AFAP1L2: variants seen among roughly 807,000 people sequenced by gnomAD.
AFAP1L2 encodes the protein actin filament-associated protein 1-like 2.
A neutral mutation model predicts 99.3 loss-of-function variants in AFAP1L2; 46 were observed. That is an observed-to-expected ratio of 0.46 (90% CI 0.37 to 0.59). AFAP1L2 has a LOEUF of 0.59. Ranked by LOEUF, AFAP1L2 falls within the 20% of genes least tolerant of loss-of-function variation. The pLI is 0.00. For missense variants in AFAP1L2, 959 were observed against 1,034.9 expected, an observed-to-expected ratio of 0.93 and a Z score of 1.01; for synonymous variants, 397 against 419.1, an observed-to-expected ratio of 0.95 and a Z score of 0.64.
At chr10:114,294,379 G>C (rs2039876867), downstream of AFAP1L2, among the ~76,000 whole-genome samples, 1 of 151,942 alleles carries the variant, frequency 6.6e-6, no homozygotes, top group East Asian at 1.9e-4. Flanking sequence ...CTGTATTAAG[G>C]CCTCCATTTC....
At chr10:114,369,594 CAAA>C (rs34904418) in intron 1 of AFAP1L2, among the ~76,000 whole-genome samples, 7 of 74,632 alleles carry the variant, frequency 9.4e-5, no homozygotes, top group South Asian at 9.1e-4. Context: ...GACTCCGACT[CAAA>C]AAAAAAAAAA....
At chr10:114,355,817 CA>C (rs1407390120) in intron 1 of AFAP1L2, among the ~76,000 whole-genome samples, 1 of 151,964 alleles carries the variant, frequency 6.6e-6, no homozygotes, top group Non-Finnish European at 1.5e-5. Context: ...ACAAAAAATA[CA>C]AAAAACTAGC....
chr10:114,333,674 C>T (rs2047535033), intron 2 of AFAP1L2, among the ~76,000 whole-genome samples: 3 of 152,056 alleles, frequency 2.0e-5, no homozygotes, highest in Non-Finnish European at 1.5e-5. Flanking sequence ...AAAAGTTAGC[C>T]AGGCATGGTA....
chr10:114,362,688 G>GA (rs2052608680), intron 1 of AFAP1L2, among the ~76,000 whole-genome samples: 1 of 152,118 alleles, frequency 6.6e-6, no homozygotes, highest in Non-Finnish European at 1.5e-5. Context: ...GGTAGCCCCG[G>GA]AAAATTAATA....
intron 1 of AFAP1L2, among the ~76,000 whole-genome samples, chr10:114,383,653 T>C (rs2248229): frequency 0.82 from 124,241 of 152,194 alleles, 51,013 homozygotes; most frequent in East Asian, 0.89. Context: ...AGCTGTTGTG[T>C]ATGCTATTTT....
rs957072785 is a variant in AFAP1L2 at position 114,311,006 on chromosome 10, A to T, written c.793-563T>A. 3.8e-4 allele frequency among the ~76,000 whole-genome samples: 45 copies of T among 119,702 alleles called. No individual in the cohort carries two copies. The Admixed American group carries it at 5.0e-3, about 13-fold the overall frequency. 78.5% of individuals were successfully genotyped at this position (119,702 alleles called of 152,430 possible). Reference sequence around the variant, plus strand: ...AGGGGCCTCTTCACTGGCTTCATTGACCAGTGGAGGAAGAGGGTCTCTCTG... The same window carrying T: ...AGGGGCCTCTTCACTGGCTTCATTGTCCAGTGGAGGAAGAGGGTCTCTCTG... On this transcript the variant is annotated intron_variant, in intron 7 of 18. Coordinates refer to ENST00000304129, the MANE Select transcript of AFAP1L2 (RefSeq NM_001001936.3).
At chr10:114,360,517 A>G (rs201068333) in intron 1 of AFAP1L2, among the ~76,000 whole-genome samples, 3 of 125,796 alleles carry the variant, frequency 2.4e-5, no homozygotes, top group Admixed American at 1.8e-4. Flanking sequence ...AGTTAGATAG[A>G]TAGATAGATA....
chr10:114,344,608 G>A (rs2049247343), intron 1 of AFAP1L2, among the ~76,000 whole-genome samples: 1 of 152,200 alleles, frequency 6.6e-6, no homozygotes, highest in South Asian at 2.1e-4. Flanking sequence ...AAACAAAGGT[G>A]ACCCCAAGGG....
intron 4 of AFAP1L2, chr10:114,325,744 C>T (rs1312900623): frequency 4.8e-6 from 4 of 839,490 alleles, no homozygotes; most frequent in Non-Finnish European, 6.4e-6. Context: ...CAGCCTGGTA[C>T]AAGATCTTTG....
intron 1 of AFAP1L2, among the ~76,000 whole-genome samples, chr10:114,400,330 T>C (rs2138423828): frequency 1.3e-5 from 2 of 152,264 alleles, no homozygotes; most frequent in Non-Finnish European, 2.9e-5. Flanking sequence ...CCCACTCTGC[T>C]TGGCCTTTCA....
At position 114,310,455 on chromosome 10, in the gene AFAP1L2, G is replaced by T; in HGVS notation, c.793-12C>A. On this transcript the variant is annotated splice_polypyrimidine_tract_variant and intron_variant, in intron 7 of 18. Transcript: ENST00000304129. Reference sequence around the variant, plus strand: ...ACTTCCTGGATGACCTGAGGCAAGAGGGAAGCCGTCAGCAGAGGCTGAGGT... The same window carrying T: ...ACTTCCTGGATGACCTGAGGCAAGATGGAAGCCGTCAGCAGAGGCTGAGGT... 1 of 1,611,882 alleles carries T rather than the reference G, an allele frequency of 6.2e-7. No individual in the cohort carries two copies. Among genetic ancestry groups the T allele is most frequent in the South Asian group, 1.1e-5 (1 of 90,612 alleles).
At chr10:114,344,554 T>C (rs533481761) in intron 1 of AFAP1L2, among the ~76,000 whole-genome samples, 4 of 152,298 alleles carry the variant, frequency 2.6e-5, no homozygotes, top group African/African-American at 9.6e-5. Context: ...TGAGCCAATA[T>C]GTACCAAGCC....
intron 1 of AFAP1L2, among the ~76,000 whole-genome samples, chr10:114,382,638 G>T (rs553679825): frequency 8.0e-6 from 1 of 125,544 alleles, no homozygotes; most frequent in Admixed American, 1.0e-4. Context: ...TTGTTGCCCA[G>T]GCTGGAGTGC....
At chr10:114,311,298 C>A (rs182111678) in intron 7 of AFAP1L2, among the ~76,000 whole-genome samples, 63 of 152,254 alleles carry the variant, frequency 4.1e-4, no homozygotes, top group Middle Eastern at 3.4e-3. Flanking sequence ...GGGGGAACTC[C>A]CAGGGCGACC....
At chr10:114,285,051 C>A in the AFAP1L2 span, 1 of 1,175,850 alleles carries the variant, frequency 8.5e-7, no homozygotes, top group Non-Finnish European at 1.2e-6. Flanking sequence ...CACGCCCTTC[C>A]AGCTGCTGGG....
At chr10:114,298,490 T>A (rs2040603270) in intron 16 of AFAP1L2, among the ~76,000 whole-genome samples, 1 of 152,078 alleles carries the variant, frequency 6.6e-6, no homozygotes, top group Non-Finnish European at 1.5e-5. Context: ...CCTCTACAAT[T>A]TAAATAAGCA....
the AFAP1L2 span, among the ~76,000 whole-genome samples, chr10:114,287,096 T>C: frequency 2.0e-5 from 3 of 152,244 alleles, no homozygotes; most frequent in African/African-American, 7.2e-5. Flanking sequence ...AGCTGATTTT[T>C]TATGACCCCT....
intron 12 of AFAP1L2, 23 bp from the exon 13 acceptor site, chr10:114,301,488 C>A: frequency 6.5e-7 from 1 of 1,549,748 alleles, no homozygotes; most frequent in Non-Finnish European, 8.9e-7. Context: ...CGAGGTGGCA[C>A]ACATGAAGCA....
chr10:114,340,195 A>G (rs2048609737), intron 2 of AFAP1L2, among the ~76,000 whole-genome samples: 1 of 136,162 alleles, frequency 7.3e-6, no homozygotes, highest in Admixed American at 7.3e-5. Context: ...AAAAAAAAAA[A>G]TAGCTGGGCA....
Sources: allele counts gnomAD v4.1 joint callset (sites outside exome capture counted in the v4.1 genomes callset), GRCh38; gene constraint gnomAD v4.1.1; transcripts MANE v1.5; gene names NCBI Gene and HGNC (gene_info 2026-07-23, HGNC 2026-07-21).